The following NAALADL2 variants were observed in gnomAD, a reference collection of about 807,000 sequenced individuals.
The protein encoded by NAALADL2 is N-acetylated alpha-linked acidic dipeptidase like 2.
NAALADL2 carries 76 observed loss-of-function variants against 87.2 expected under a neutral mutation model. That is an observed-to-expected ratio of 0.87 (90% CI 0.72 to 1.05). The LOEUF is 1.05. NAALADL2 is among the 50% of genes least tolerant of loss of function. NAALADL2 has a pLI of 0.00. For synonymous variants in NAALADL2, 354 were observed against 331.0 expected, an observed-to-expected ratio of 1.07 and a Z score of -0.75; for missense variants, 1,089 against 945.8, an observed-to-expected ratio of 1.15 and a Z score of -1.99.
At chr3:175,801,988 G>A (rs1015585979) in intron 13 of NAALADL2, among the ~76,000 whole-genome samples, 2 of 152,070 alleles carry the variant, frequency 1.3e-5, no homozygotes, top group Non-Finnish European at 2.9e-5. Flanking sequence ...AGAGAACAGT[G>A]TAATGAATTA....
chr3:175,366,798 A>G (rs1765649485), intron 5 of NAALADL2, among the ~76,000 whole-genome samples: 1 of 151,334 alleles, frequency 6.6e-6, no homozygotes, highest in Non-Finnish European at 1.5e-5. Context: ...ATTTTCTCCC[A>G]TTTTGTAGGT....
chr3:175,641,813 T>TA (rs1293764476), intron 11 of NAALADL2, among the ~76,000 whole-genome samples: 3 of 152,150 alleles, frequency 2.0e-5, no homozygotes, highest in Non-Finnish European at 4.4e-5. Flanking sequence ...AGGAAGAAAA[T>TA]AAATATTGTT....
intron 2 of NAALADL2, among the ~76,000 whole-genome samples, chr3:175,165,968 C>CA (rs1733942296): frequency 6.6e-6 from 1 of 151,630 alleles, no homozygotes; most frequent in Admixed American, 6.6e-5. Context: ...CCACCGGCCT[C>CA]ACATTAGTTC....
chr3:174,547,512 A>G (rs994996257), intron 1 of NAALADL2, among the ~76,000 whole-genome samples: 6 of 152,080 alleles, frequency 3.9e-5, no homozygotes, highest in Admixed American at 2.6e-4. Flanking sequence ...TCTCATTTCA[A>G]TGCCTCTTTG....
chr3:175,433,698 T>A (rs1421934437), intron 5 of NAALADL2, among the ~76,000 whole-genome samples: 2 of 152,044 alleles, frequency 1.3e-5, no homozygotes, highest in African/African-American at 2.4e-5. Context: ...CCTAGCCTTT[T>A]TTTTTCTCTT....
chr3:175,389,140 G>A (rs1768777247), intron 5 of NAALADL2, among the ~76,000 whole-genome samples: 1 of 151,962 alleles, frequency 6.6e-6, no homozygotes, highest in African/African-American at 2.4e-5. Context: ...AACATTTTAA[G>A]CATGGTACAG....
intron 9 of NAALADL2, among the ~76,000 whole-genome samples, chr3:175,492,141 G>C (rs1159997544): frequency 6.6e-6 from 1 of 152,096 alleles, no homozygotes; most frequent in Non-Finnish European, 1.5e-5. Flanking sequence ...GTTCTTTTTA[G>C]TTTTGACATG....
chr3:175,015,743 G>A (rs1750727942), intron 1 of NAALADL2, among the ~76,000 whole-genome samples: 1 of 151,876 alleles, frequency 6.6e-6, no homozygotes, highest in African/African-American at 2.4e-5. Context: ...TAATTAAATA[G>A]AATAACTTAT....
At chr3:175,327,781 C>T (rs1028690494) in intron 5 of NAALADL2, among the ~76,000 whole-genome samples, 1 of 152,140 alleles carries the variant, frequency 6.6e-6, no homozygotes, top group Non-Finnish European at 1.5e-5. Context: ...AGTTCCTTTT[C>T]CTCTGCCCCT....
intron 2 of NAALADL2, among the ~76,000 whole-genome samples, chr3:174,636,912 C>G (rs1385648446): frequency 6.6e-6 from 1 of 152,062 alleles, no homozygotes; most frequent in Non-Finnish European, 1.5e-5. Flanking sequence ...AGGATATGAA[C>G]TCAACATAAG....
At chr3:175,594,384 TTCAGTCCACTACTGA>T (rs1721963147) in intron 10 of NAALADL2, among the ~76,000 whole-genome samples, 1 of 152,196 alleles carries the variant, frequency 6.6e-6, no homozygotes, top group Non-Finnish European at 1.5e-5. Context: ...ACATTTTCTA[TTCAGTCCACTACTGA>T]TCGGTACCTA....
At chr3:174,935,795 C>T (rs1737606038) in intron 1 of NAALADL2, among the ~76,000 whole-genome samples, 1 of 152,084 alleles carries the variant, frequency 6.6e-6, no homozygotes, top group African/African-American at 2.4e-5. Flanking sequence ...GTTTGCCTCT[C>T]ATGTTTTATA....
At chr3:175,177,034 A>G (rs984387726) in intron 2 of NAALADL2, among the ~76,000 whole-genome samples, 3 of 152,110 alleles carry the variant, frequency 2.0e-5, no homozygotes, top group Non-Finnish European at 4.4e-5. Flanking sequence ...GGCAAAGTTT[A>G]ATTATAAAGT....
At chr3:175,159,049 A>G (rs1732738937) in intron 2 of NAALADL2, among the ~76,000 whole-genome samples, 1 of 152,188 alleles carries the variant, frequency 6.6e-6, no homozygotes. Flanking sequence ...GAGATAAAGG[A>G]AAAAGCATAT....
chr3:174,590,132 G>A lies in NAALADL2; in HGVS notation c.-115+39495G>A, dbSNP rs372452584. On this transcript the variant is annotated intron_variant, in intron 2 of 3. Coordinates refer to the NAALADL2 transcript ENST00000434257. ...TTATCTCACCCTTTTTCTCTTTTTC[G>A]TGGTCCTTCTCAATTGATCAGTCAG... is the stretch of plus-strand genomic sequence containing the variant. Among the ~76,000 whole-genome samples, 23 of 151,408 alleles carry A rather than the reference G, an allele frequency of 1.5e-4. No homozygotes were observed. In the East Asian group the frequency reaches 2.5e-3, roughly 17 times the overall value.
At chr3:175,259,921 G>T (rs551789945) in intron 4 of NAALADL2, among the ~76,000 whole-genome samples, 1 of 152,032 alleles carries the variant, frequency 6.6e-6, no homozygotes, top group South Asian at 2.1e-4. Context: ...CCAGCTACTT[G>T]GGAGACTGAG....
intron 9 of NAALADL2, among the ~76,000 whole-genome samples, chr3:175,491,847 G>C (rs543803104): frequency 8.9e-4 from 135 of 152,118 alleles, no homozygotes; most frequent in Non-Finnish European, 1.5e-3. Flanking sequence ...ATCAGTTTTT[G>C]TGTGCCATAA....
At chr3:174,847,946 T>A (rs780642785) in intron 3 of NAALADL2, among the ~76,000 whole-genome samples, 2 of 151,986 alleles carry the variant, frequency 1.3e-5, no homozygotes, top group Admixed American at 1.3e-4. Context: ...ATATTTTTGA[T>A]CTCTGCTCTA....
intron 4 of NAALADL2, among the ~76,000 whole-genome samples, chr3:175,313,591 G>A (rs1019312414): frequency 2.6e-5 from 4 of 152,154 alleles, no homozygotes; most frequent in Non-Finnish European, 5.9e-5. Flanking sequence ...AGGCAATTTA[G>A]GAGCATCTGT....
Sources: gnomAD v4.1 joint callset for allele counts (sites outside exome capture counted in the v4.1 genomes callset) on GRCh38, gnomAD v4.1.1 for gene constraint, MANE v1.5 for transcripts, NCBI Gene and HGNC (gene_info 2026-07-23, HGNC 2026-07-21) for gene names.